Variants in ELMOD3 observed in about 807,000 individuals in gnomAD.
The protein encoded by ELMOD3 is ELMO domain containing 3, also known as ELMO domain-containing protein 3.
ELMOD3 carries 36 observed loss-of-function variants against 47.4 expected under a neutral mutation model. That is an observed-to-expected ratio of 0.76 (90% CI 0.58 to 1.00). The LOEUF is 1.00. Ranked by LOEUF, ELMOD3 falls within the 50% of genes least tolerant of loss-of-function variation. The pLI is 0.00. For synonymous variants in ELMOD3, 149 were observed against 183.5 expected (o/e 0.81, Z 1.52); for missense variants, 404 against 463.8 (o/e 0.87, Z 1.18).
intron 13 of ELMOD3, 123 bp downstream of exon 13, chr2:85,390,388 C>CGAA (rs1686259014): frequency 6.2e-7 from 1 of 1,614,176 alleles, no homozygotes; most frequent in Non-Finnish European, 8.5e-7. Flanking sequence ...TCTCAAATTC[C>CGAA]AGCTTACCAA....
intron 11 of ELMOD3, chr2:85,387,234 A>G (rs1685994710): frequency 4.3e-6 from 5 of 1,158,586 alleles, no homozygotes; most frequent in Non-Finnish European, 5.4e-6. Flanking sequence ...AGGCAAGTAT[A>G]ATAACGACGA....
intron 10 of ELMOD3, among the ~76,000 whole-genome samples, chr2:85,375,387 C>T (rs1685100838): frequency 6.6e-6 from 1 of 152,120 alleles, no homozygotes; most frequent in South Asian, 2.1e-4. Flanking sequence ...TTTTGTTTTT[C>T]TGTCCCTCTG....
At chr2:85,368,563 CAGTG>C (rs1684564114) in intron 6 of ELMOD3, 119 bp from the exon 7 acceptor site, 2 of 817,030 alleles carry the variant, frequency 2.4e-6, no homozygotes, top group African/African-American at 3.4e-5. Context: ...CTGGGCAACA[CAGTG>C]ACACCCCATC....
intron 11 of ELMOD3, among the ~76,000 whole-genome samples, chr2:85,386,264 T>G (rs995708172): frequency 1.3e-5 from 2 of 152,104 alleles, no homozygotes; most frequent in African/African-American, 2.4e-5. Context: ...TGTGTTTTAG[T>G]CAGTTTCAGT....
Position 85,368,674 on chromosome 2 carries a change from C to T in ELMOD3, c.200-12C>T. ...AGATCTCAGAGGGTCTCCTTTTCTC[C>T]TACTATTGCAGTTGTGAGTACAGAG... is the stretch of plus-strand genomic sequence containing the variant. On this transcript the variant is annotated splice_polypyrimidine_tract_variant and intron_variant, in intron 6 of 13. Transcript: ENST00000409013. The T allele has an allele frequency of 6.2e-7, 1 of 1,613,926 alleles. No homozygotes were observed. Among genetic ancestry groups the T allele is most frequent in the South Asian group, 1.1e-5 (1 of 91,078 alleles).
At chr2:85,388,802 T>C (rs1324278863) in intron 11 of ELMOD3, among the ~76,000 whole-genome samples, 1 of 152,248 alleles carries the variant, frequency 6.6e-6, no homozygotes, top group Admixed American at 6.5e-5. Flanking sequence ...AATAGCTACA[T>C]GCAGCTGGTT....
At position 85,387,666 on chromosome 2, in the gene ELMOD3, CAAA is replaced by C. The variant is rs33992978; in HGVS notation, c.739-2066_739-2064del. Among the ~76,000 whole-genome samples, 220 of 94,070 alleles carry C rather than the reference CAAA, an allele frequency of 2.3e-3. 3 individuals are homozygous for C. In the East Asian group the frequency reaches 0.062, roughly 27 times the overall value. 61.7% of individuals were successfully genotyped at this position (94,070 alleles called of 152,430 possible). A position where few individuals can be genotyped will look rare whatever the true frequency, so the allele number is the denominator to read the frequency against. ...TGGGCGACAGAGCAAGACTCCATCTCAAAAAAAAAAAAAAAAAAAAATCTGTCT... is the reference window on the plus strand; with the variant it reads ...TGGGCGACAGAGCAAGACTCCATCTCAAAAAAAAAAAAAAAAAATCTGTCT... On this transcript the variant is annotated intron_variant, in intron 11 of 13. Transcript: ENST00000409013.
intron 11 of ELMOD3, among the ~76,000 whole-genome samples, chr2:85,381,095 C>T (rs1368533855): frequency 2.6e-5 from 4 of 152,184 alleles, no homozygotes. Context: ...GAAAATCGTA[C>T]ACCATTTCAT....
chr2:85,382,532 T>TTTTTTTTTTTGAGACAGA (rs1685637622), intron 11 of ELMOD3, among the ~76,000 whole-genome samples: 1 of 151,342 alleles, frequency 6.6e-6, no homozygotes, highest in Non-Finnish European at 1.5e-5. Flanking sequence ...TTTTTTTTTT[T>TTTTTTTTTTTGAGACAGA]GAGACAGAGT....
At position 85,384,751 on chromosome 2, in the gene ELMOD3, ATTTT is replaced by A. The variant is rs1573147965; in HGVS notation, c.739-4996_739-4993del. Among the ~76,000 whole-genome samples, 3 of 151,836 alleles carry A rather than the reference ATTTT, an allele frequency of 2.0e-5. No individual in the cohort carries two copies. The East Asian group carries it at 5.8e-4, about 29-fold the overall frequency. ...TGCCGTACCATGCCCAGCTAATTTTATTTTTTTAATAGTCTCTCCATTTTAGAAA... is the reference window on the plus strand; with the variant it reads ...TGCCGTACCATGCCCAGCTAATTTTATTTAATAGTCTCTCCATTTTAGAAA... On this transcript the variant is annotated intron_variant, in intron 11 of 13. Transcript: ENST00000409013.
At position 85,391,015 on chromosome 2, in the gene ELMOD3, T is replaced by C; in HGVS notation, c.*53T>C. ...CTGAGCTGCAGGGGCTTTCAGGGGG[T>C]CAGTGGAGCCATGTCAGGAGCCTGG... On this transcript the variant is annotated 3_prime_UTR_variant, in exon 14 of 14. Transcript: ENST00000409013. The C allele has an allele frequency of 6.6e-7, 1 of 1,506,264 alleles. No homozygotes were observed. The highest frequency in any genetic ancestry group is 9.0e-7 in the Non-Finnish European group (1 of 1,114,842). The allele number at this position is 1,506,264 out of a possible 1,614,324, so 93.3% of individuals were successfully genotyped here.
chr2:85,368,476 T>A, intron 6 of ELMOD3: 1 of 542,014 alleles, frequency 1.8e-6, no homozygotes, highest in Non-Finnish European at 3.3e-6. Context: ...CTGGCCCAGG[T>A]CAGAAATGGA....
intron 8 of ELMOD3, among the ~76,000 whole-genome samples, chr2:85,370,034 T>C (rs1684681645): frequency 6.6e-6 from 1 of 152,128 alleles, no homozygotes; most frequent in Admixed American, 6.5e-5. Flanking sequence ...CCTGTAGCCC[T>C]GTCATTCAGG....
At position 85,381,457 on chromosome 2, in the gene ELMOD3, A is replaced by G. The variant is rs550317369; in HGVS notation, c.738+3983A>G. Among the ~76,000 whole-genome samples, 8 of 152,338 alleles carry G rather than the reference A, an allele frequency of 5.3e-5. No individual in the cohort carries two copies. The South Asian group carries it at 1.7e-3, about 32-fold the overall frequency. On this transcript the variant is annotated intron_variant, in intron 11 of 13. Transcript: ENST00000409013. Reference sequence around the variant, plus strand: ...AAATTTATTTTTCAAAATTTTGTAAACAATCTATAAAATTTTAATCTTGAC... The same window carrying G: ...AAATTTATTTTTCAAAATTTTGTAAGCAATCTATAAAATTTTAATCTTGAC...
At chr2:85,389,604 G>T (rs981046390) in intron 11 of ELMOD3, 147 bp from the exon 12 acceptor site, 5 of 650,872 alleles carry the variant, frequency 7.7e-6, no homozygotes, top group Non-Finnish European at 1.4e-5. Flanking sequence ...ATGGGAAGAA[G>T]ATTATTAGGA....
In ELMOD3 at chr2:85,390,852, TTGGGAGCACAGAAGTGCTA is replaced by T. The variant is rs1686302217; in HGVS notation, c.1041_1059del (p.Ala348GlnfsTer27). 1 of 1,551,530 alleles carries T rather than the reference TTGGGAGCACAGAAGTGCTA, an allele frequency of 6.4e-7. No individual in the cohort carries two copies. Among genetic ancestry groups the T allele is most frequent in the South Asian group, 1.2e-5 (1 of 84,062 alleles). On this transcript the variant is annotated frameshift_variant, in exon 14 of 14. Transcript: ENST00000409013. LOFTEE classifies it low-confidence loss of function (END_TRUNC). Reference sequence around the variant, plus strand: ...GGTGTCAAAGGGACAGGCCTCCTTGTTGGGAGCACAGAAGTGCTATGGGCCAGAAGCCCCTCCCTTCAAG... The same window carrying T: ...GGTGTCAAAGGGACAGGCCTCCTTGTTGGGCCAGAAGCCCCTCCCTTCAAG...
At chr2:85,367,102 T>C (rs556616659) in intron 6 of ELMOD3, among the ~76,000 whole-genome samples, 1 of 152,350 alleles carries the variant, frequency 6.6e-6, no homozygotes, top group Admixed American at 6.5e-5. Context: ...CATTCATTCA[T>C]TCATTCATCA....
In ELMOD3 at chr2:85,357,242, G is replaced by T. The variant is rs776303606; in HGVS notation, c.44G>T (p.Arg15Ile). 19 of 1,602,920 alleles carry T rather than the reference G, an allele frequency of 1.2e-5. No homozygotes were observed. Among genetic ancestry groups the T allele is most frequent in the South Asian group, 1.1e-5 (1 of 90,342 alleles). The change falls in exon 4 of 14, where the codon AGA becomes ATA. Residue 15 changes from arginine (R) to isoleucine (I), a missense_variant. Transcript: ENST00000409013. ...SCSFHSKEELRDGQGERLSAG... is the reference protein window; with the variant it reads ...SCSFHSKEELIDGQGERLSAG... ...TCTTTCCATAGTAAAGAAGAATTAA[G>T]AGATGGACAGGTAAGCATGCACTCT...
intron 6 of ELMOD3, chr2:85,368,270 A>G (rs1486310942): frequency 5.6e-6 from 1 of 177,876 alleles, no homozygotes; most frequent in Admixed American, 5.5e-5. Flanking sequence ...GAGGGTGTTA[A>G]GATCCAAGGC....
Sources: allele counts gnomAD v4.1 joint callset (sites outside exome capture counted in the v4.1 genomes callset), GRCh38; gene constraint gnomAD v4.1.1; transcripts MANE v1.5; gene names NCBI Gene and HGNC (gene_info 2026-07-23, HGNC 2026-07-21).